Variants in KIF21B observed in about 807,000 individuals in gnomAD.
KIF21B encodes the protein kinesin family member 21B.
A neutral mutation model predicts 192.9 loss-of-function variants in KIF21B; 85 were observed. The observed-to-expected ratio is 0.44, with a 90% CI of 0.37 to 0.53. The LOEUF (loss-of-function observed/expected upper bound fraction) is 0.53, where lower values mean the gene tolerates loss of function less well. Ranked by LOEUF, KIF21B falls within the 20% of genes least tolerant of loss-of-function variation. The pLI is 0.00. For synonymous variants in KIF21B, 832 were observed against 884.6 expected, an observed-to-expected ratio of 0.94 and a Z score of 1.05; for missense variants, 1,716 against 2,194.8, an observed-to-expected ratio of 0.78 and a Z score of 4.36.
chr1:200,990,167 C>T lies in KIF21B; in HGVS notation c.3001G>A (p.Ala1001Thr). The part of the protein sequence containing the change: ...YINDGITDCQ[A>T]TIVQLEETKE... ...GTCTCCTCCAGCTGCACGATGGTGG[C>T]CTGGCAGTCGGTGATGCCGTCATTG... The change falls in exon 20 of 35, where the codon GCC becomes ACC. Residue 1001 changes from alanine (A) to threonine (T), a missense_variant. Ala to Thr is a moderately conservative substitution (Grantham distance 58, BLOSUM62 0). Coordinates refer to ENST00000461742, the MANE Select transcript of KIF21B (RefSeq NM_001252102.2). The surrounding 1 kb of genome is among the most constrained non-coding windows in gnomAD (Gnocchi z 5.4). 1 of 1,613,932 alleles carries T rather than the reference C, an allele frequency of 6.2e-7. No homozygotes were observed. Among genetic ancestry groups the T allele is most frequent in the Non-Finnish European group, 8.5e-7 (1 of 1,179,918 alleles).
chr1:200,990,701 C>T lies in KIF21B; in HGVS notation c.2710G>A (p.Ala904Thr), dbSNP rs767045421. Residue 904 changes from alanine to threonine, a missense_variant, in exon 19 of 35, where the codon GCC becomes ACC. Physicochemically the swap from Ala to Thr is moderately conservative, Grantham distance 58 (BLOSUM62 0). This residue lies in a region of KIF21B where 1,087 missense variants were observed against 1,316.6 expected (regional missense o/e 0.83). Transcript: ENST00000461742. The surrounding 1 kb of genome is among the most constrained non-coding windows in gnomAD (Gnocchi z 5.4). ...PARKKFQKKG[A>T]SQSFSKAARL... ...GCCGCCTTACTGAAGCTCTGGCTGG[C>T]CCCCTTCTTCTGGAACTTCTTTCTG... 9 of 1,614,140 alleles carry T rather than the reference C, an allele frequency of 5.6e-6. No individual in the cohort carries two copies. Among genetic ancestry groups the T allele is most frequent in the Non-Finnish European group, 7.6e-6 (9 of 1,180,010 alleles).
Position 201,004,456 on chromosome 1 carries a change from C to T in KIF21B, c.901-1G>A, listed in dbSNP as rs751474204. The T allele has an allele frequency of 6.4e-7, 1 of 1,566,386 alleles. No homozygotes were observed. The highest frequency in any genetic ancestry group is 1.9e-5 in the Admixed American group (1 of 52,320). On this transcript the variant is annotated splice_acceptor_variant, in intron 6 of 34. Coordinates refer to ENST00000461742, the MANE Select transcript of KIF21B (RefSeq NM_001252102.2). LOFTEE classifies it high-confidence loss of function. ...CGCTGATCACATTGCCCAAGGCCAG[C>T]TGTGGGAGACAGACCCTGGCACTCA...
rs2102451484 is a variant in KIF21B at position 201,005,358 on chromosome 1, T to C, written c.682A>G (p.Ile228Val). 6.8e-6 allele frequency: 11 copies of C among 1,612,896 alleles called. No individual in the cohort carries two copies. The highest frequency in any genetic ancestry group is 1.1e-5 in the South Asian group (1 of 90,946). ...MNVQSSRSHA[I>V]FTIHLCQMRM... The stretch of plus-strand genomic sequence containing the variant: ...ATCTGGCACAGGTGGATGGTGAAGA[T>C]GGCGTGGGAGCGTGAGCTCTGCACG... The change falls in exon 5 of 35, where the codon ATC (isoleucine) becomes GTC (valine). Residue 228 changes from isoleucine to valine, a missense_variant. Physicochemically the swap from Ile to Val is conservative, Grantham distance 29. This residue lies in a region of KIF21B where 1,087 missense variants were observed against 1,316.6 expected (regional missense o/e 0.83). Coordinates refer to ENST00000461742, the MANE Select transcript of KIF21B (RefSeq NM_001252102.2).
At position 200,998,359 on chromosome 1, in the gene KIF21B, T is replaced by G. The variant is rs1657207982; in HGVS notation, c.2077+25A>C. The G allele has an allele frequency of 2.5e-6, 4 of 1,588,808 alleles. No individual in the cohort carries two copies. Among genetic ancestry groups the G allele is most frequent in the African/African-American group, 2.7e-5 (2 of 73,220 alleles). ...GGGAAAAGGGAGGGTCCGGATGGGG[T>G]GGAGGGGCATGGCGGTGGCCTCACT... is the stretch of plus-strand genomic sequence containing the variant. On this transcript the variant is annotated intron_variant, in intron 14 of 34. Coordinates refer to ENST00000461742, the MANE Select transcript of KIF21B (RefSeq NM_001252102.2). This position sits in a 1 kb window ranked among gnomAD's most constrained non-coding sequence, Gnocchi z 4.3.
Position 201,000,744 on chromosome 1 carries a change from T to G in KIF21B, c.1439A>C (p.Asn480Thr), listed in dbSNP as rs376885029. The change falls in exon 10 of 35, where the codon AAC (asparagine) becomes ACC (threonine). Residue 480 changes from asparagine (N) to threonine (T), a missense_variant. By Grantham distance (65) the Asn-to-Thr change is moderately conservative (BLOSUM62 0). Around this residue, in one of 3 missense-constraint regions of KIF21B, gnomAD observed 1,087 missense variants for 1,316.6 expected, o/e 0.83. Transcript: ENST00000461742. This position sits in a 1 kb window ranked among gnomAD's most constrained non-coding sequence, Gnocchi z 6.0. ...TAGCTCCTCGATCTCCCGGATGTAGTTCTGGATCAGCGCACCAATGGCCTC... is the reference window on the plus strand; with the variant it reads ...TAGCTCCTCGATCTCCCGGATGTAGGTCTGGATCAGCGCACCAATGGCCTC... Reference protein sequence around the residue: ...GNEAIGALIQNYIREIEELRT... With the variant: ...GNEAIGALIQTYIREIEELRT... 44 of 1,614,094 alleles carry G rather than the reference T, an allele frequency of 2.7e-5. 1 individual carries two copies. Among genetic ancestry groups the G allele is most frequent in the Non-Finnish European group, 3.6e-5 (43 of 1,180,012 alleles).
intron 1 of KIF21B, among the ~76,000 whole-genome samples, chr1:201,020,246 G>A (rs1658740116): frequency 6.6e-6 from 1 of 152,214 alleles, no homozygotes; most frequent in South Asian, 2.1e-4. Context: ...AATTTGCCAT[G>A]TGACTTAGCT....
Position 200,990,980 on chromosome 1 carries a change from C to A in KIF21B, c.2624G>T (p.Arg875Leu), listed in dbSNP as rs371230464. Residue 875 changes from arginine to leucine, a missense_variant, in exon 18 of 35, where the codon CGC becomes CTC. Physicochemically the swap from Arg to Leu is moderately radical, Grantham distance 102 (BLOSUM62 -2). Transcript: ENST00000461742. This position sits in a 1 kb window ranked among gnomAD's most constrained non-coding sequence, Gnocchi z 5.4. ...SVSSIVRQWNRKINHFLGDHP... is the reference protein window; with the variant it reads ...SVSSIVRQWNLKINHFLGDHP... ...GTCCCCCAAGAAGTGGTTGATTTTG[C>A]GGTTCCACTGGCGCACGATGCTGGA... 1 of 1,614,178 alleles carries A rather than the reference C, an allele frequency of 6.2e-7. No homozygotes were observed. The highest frequency in any genetic ancestry group is 2.2e-5 in the East Asian group (1 of 44,892).
Position 200,979,612 on chromosome 1 carries a change from C to A in KIF21B, c.4083G>T (p.Gly1361=). ...AGGAGGTGGACACGGAGAACACAAG[C>A]CCCGAGTGGCTGCAGTACTTGATGG... ...VVSIKYCSHS[G]LVFSVSTSYI... Residue 1361 remains glycine (G), a synonymous_variant, in exon 30 of 35, where the codon GGG becomes GGT. Transcript: ENST00000461742. 3.1e-6 allele frequency: 5 copies of A among 1,592,792 alleles called. No homozygotes were observed. The highest frequency in any genetic ancestry group is 2.4e-5 in the East Asian group (1 of 42,324).
At chr1:200,976,989 G>C in intron 31 of KIF21B, 96 bp from the exon 32 acceptor site, 1 of 1,017,200 alleles carries the variant, frequency 9.8e-7, no homozygotes, top group Non-Finnish European at 1.5e-6. Flanking sequence ...GCCTGGTCAG[G>C]GTACTCACCC....
intron 26 of KIF21B, among the ~76,000 whole-genome samples, chr1:200,986,333 G>T (rs192077352): frequency 6.6e-6 from 1 of 150,704 alleles, no homozygotes; most frequent in South Asian, 2.1e-4. Flanking sequence ...TTTAAGGTGC[G>T]TTACAGAAAT....
chr1:201,005,778 T>C, intron 3 of KIF21B, 84 bp from the exon 4 acceptor site: 1 of 1,381,224 alleles, frequency 7.2e-7, no homozygotes, highest in South Asian at 1.3e-5. Context: ...CCATATCTGT[T>C]TTACAGATGT....
At chr1:201,009,966 C>T (rs933069020) in intron 1 of KIF21B, among the ~76,000 whole-genome samples, 29 of 152,170 alleles carry the variant, frequency 1.9e-4, no homozygotes, top group African/African-American at 7.0e-4. Flanking sequence ...GGAGAGAAGG[C>T]GGCTTGTCCA....
chr1:200,993,655 T>C (rs1362055346), intron 15 of KIF21B, among the ~76,000 whole-genome samples: 3 of 150,570 alleles, frequency 2.0e-5, no homozygotes, highest in Admixed American at 1.3e-4. Flanking sequence ...GAGGCTGAGG[T>C]AGGAGGATTA....
intron 1 of KIF21B, among the ~76,000 whole-genome samples, chr1:201,011,280 A>T (rs575903239): frequency 2.0e-5 from 3 of 152,342 alleles, no homozygotes; most frequent in Admixed American, 2.0e-4. Context: ...GCAGACATGC[A>T]CTGAGCACTC....
chr1:200,981,109 G>A lies in KIF21B; in HGVS notation c.3843-13C>T, dbSNP rs746801539. On this transcript the variant is annotated splice_polypyrimidine_tract_variant and intron_variant, in intron 28 of 34. Transcript: ENST00000461742. ...GGAGATGATGCCCCTTCCCGGGAGA[G>A]AGGGAGAGAAGGCATGCTCGTCAGC... The A allele has an allele frequency of 7.0e-6, 11 of 1,576,304 alleles. 1 individual carries two copies. The highest frequency in any genetic ancestry group is 4.7e-5 in the South Asian group (4 of 85,014).
intron 24 of KIF21B, among the ~76,000 whole-genome samples, chr1:200,987,707 G>A (rs1012081427): frequency 4.6e-5 from 7 of 152,200 alleles, no homozygotes; most frequent in Admixed American, 2.0e-4. Context: ...GTTGGACTAT[G>A]TAAACACAGA....
chr1:200,988,108 A>G (rs1252595063), intron 24 of KIF21B, among the ~76,000 whole-genome samples, 188 bp downstream of exon 24: 1 of 152,188 alleles, frequency 6.6e-6, no homozygotes, highest in African/African-American at 2.4e-5. Flanking sequence ...CTCAGAAGGA[A>G]TGGGCTGCAA....
rs1268458262 is a variant in KIF21B at position 200,996,352 on chromosome 1, C to T, written c.2121G>A (p.Lys707=). 1.2e-6 allele frequency: 2 copies of T among 1,614,152 alleles called. No homozygotes were observed. Among genetic ancestry groups the T allele is most frequent in the South Asian group, 1.1e-5 (1 of 91,080 alleles). ...CCCGCAGCCTCTTCTCATAGTCTGC[C>T]TTGATCTTGTTGGCCTTCTCCTCAG... ...CYTEEKANKI[K]ADYEKRLREM... Residue 707 remains lysine, a synonymous_variant, in exon 15 of 35, where the codon AAG becomes AAA. Transcript: ENST00000461742.
Position 200,971,490 on chromosome 1 carries a change from TA to T in KIF21B, c.*2030del, listed in dbSNP as rs990898823. ...GAGTCTTACGTGTTTCTATCGCTTG[TA>T]AACAGTCATGCGGACGGATTCTTTC... is the stretch of plus-strand genomic sequence containing the variant. On this transcript the variant is annotated 3_prime_UTR_variant, in exon 35 of 35. Coordinates refer to ENST00000461742, the MANE Select transcript of KIF21B (RefSeq NM_001252102.2). The T allele has an allele frequency of 6.6e-6, 1 of 152,400 alleles. No homozygotes were observed. The highest frequency in any genetic ancestry group is 2.4e-5 in the African/African-American group (1 of 41,464). The allele number at this position is 152,400 out of a possible 1,614,324, so 9.4% of individuals were successfully genotyped here.
Sources: allele counts gnomAD v4.1 joint callset (sites outside exome capture counted in the v4.1 genomes callset), GRCh38; gene constraint gnomAD v4.1.1; regional missense constraint gnomAD v4.1.1; non-coding constraint Gnocchi (gnomAD v3.1); transcripts MANE v1.5; gene names NCBI Gene and HGNC (gene_info 2026-07-23, HGNC 2026-07-21).